ZFHX3: variants seen among roughly 807,000 people sequenced by gnomAD.
ZFHX3 encodes zinc finger homeobox protein 3.
In ZFHX3, 42 loss-of-function variants were observed where a neutral mutation model predicts 279.1. The observed-to-expected ratio is 0.15, with a 90% confidence interval of 0.12 to 0.19. ZFHX3 has a LOEUF of 0.19. ZFHX3 is among the 10% of genes least tolerant of loss of function. The probability of loss-of-function intolerance (pLI) is 1.00; values close to 1 mark genes in which losing one functional copy is unlikely to be tolerated. For synonymous variants in ZFHX3, 2,293 were observed against 1,957.8 expected (o/e 1.17, Z -4.52); for missense variants, 4,981 against 4,754.0 (o/e 1.05, Z -1.40).
At chr16:73,500,720 T>C (rs995123298) in intron 2 of ZFHX3, among the ~76,000 whole-genome samples, 2 of 129,868 alleles carry the variant, frequency 1.5e-5, no homozygotes, top group East Asian at 2.3e-4. Flanking sequence ...CCTCACAGAC[T>C]AAGGATATAA....
At chr16:73,084,514 A>ATTTTTTT (rs34134596) in intron 8 of ZFHX3, among the ~76,000 whole-genome samples, 7 of 92,648 alleles carry the variant, frequency 7.6e-5, no homozygotes, top group East Asian at 3.1e-4. Flanking sequence ...CTAGGACTAA[A>ATTTTTTT]TTTTTTTTTT....
intron 1 of ZFHX3, among the ~76,000 whole-genome samples, chr16:72,976,174 C>G (rs746646261): frequency 2.0e-5 from 3 of 152,264 alleles, no homozygotes; most frequent in Non-Finnish European, 2.9e-5. Context: ...TCTGAAGCTG[C>G]ACCCTCTCTC....
chr16:73,731,300 A>AT (rs1216826846), intron 1 of ZFHX3, among the ~76,000 whole-genome samples: 4 of 152,114 alleles, frequency 2.6e-5, no homozygotes, highest in Non-Finnish European at 4.4e-5. Context: ...GAGTCAACAG[A>AT]TTTTTTTAAA....
At chr16:73,161,074 G>A (rs562655421) in intron 5 of ZFHX3, among the ~76,000 whole-genome samples, 1 of 152,120 alleles carries the variant, frequency 6.6e-6, no homozygotes, top group Non-Finnish European at 1.5e-5. Context: ...CCAGGCTCAA[G>A]CGATTCTCCT....
At chr16:73,312,387 C>G (rs770002029) in intron 4 of ZFHX3, among the ~76,000 whole-genome samples, 1 of 149,900 alleles carries the variant, frequency 6.7e-6, no homozygotes, top group East Asian at 1.9e-4. Flanking sequence ...CTTCCAAACA[C>G]AAAGAAAAAA....
chr16:72,941,168 T>A (rs921641675), intron 3 of ZFHX3, among the ~76,000 whole-genome samples: 1 of 152,132 alleles, frequency 6.6e-6, no homozygotes, highest in African/African-American at 2.4e-5. Flanking sequence ...AAGGGACTCA[T>A]GAAAAAAATG....
chr16:73,171,802 C>T (rs1168339120), intron 5 of ZFHX3, among the ~76,000 whole-genome samples: 1 of 152,162 alleles, frequency 6.6e-6, no homozygotes, highest in African/African-American at 2.4e-5. Context: ...GTAACATACA[C>T]GTACCCGGTG....
chr16:73,853,595 G>A (rs761010463), intron 1 of ZFHX3, among the ~76,000 whole-genome samples: 1 of 152,064 alleles, frequency 6.6e-6, no homozygotes, highest in Non-Finnish European at 1.5e-5. Flanking sequence ...ACCAAATACT[G>A]CATGTTCTCA....
chr16:73,180,160 T>C (rs937037914), intron 5 of ZFHX3, among the ~76,000 whole-genome samples: 12 of 152,162 alleles, frequency 7.9e-5, no homozygotes, highest in Non-Finnish European at 1.3e-4. Flanking sequence ...GGCCAGTCGT[T>C]CCTGTTTCCA....
intron 2 of ZFHX3, among the ~76,000 whole-genome samples, chr16:73,548,435 A>G (rs1218780313): frequency 6.6e-6 from 1 of 151,068 alleles, no homozygotes; most frequent in South Asian, 2.1e-4. Context: ...TAAATTTGTT[A>G]AGCTTGACTT....
intron 3 of ZFHX3, among the ~76,000 whole-genome samples, chr16:72,906,674 C>A (rs1006249857): frequency 6.6e-6 from 1 of 152,064 alleles, no homozygotes; most frequent in African/African-American, 2.4e-5. Context: ...GGCACGCGCC[C>A]GCAGTCCCAA....
At chr16:73,325,407 C>T (rs768568688) in intron 3 of ZFHX3, among the ~76,000 whole-genome samples, 1 of 152,132 alleles carries the variant, frequency 6.6e-6, no homozygotes, top group East Asian at 1.9e-4. Context: ...GAGAATGGCT[C>T]TAATGAATCT....
At chr16:73,129,930 G>A (rs1055950642) in intron 7 of ZFHX3, among the ~76,000 whole-genome samples, 1 of 152,058 alleles carries the variant, frequency 6.6e-6, no homozygotes, top group African/African-American at 2.4e-5. Flanking sequence ...TTGTGTTTAA[G>A]GCAAAAGCAG....
chr16:73,111,827 T>A (rs532153161), intron 7 of ZFHX3, among the ~76,000 whole-genome samples: 19 of 152,140 alleles, frequency 1.2e-4, no homozygotes, highest in Non-Finnish European at 1.9e-4. Context: ...ATATATGCTA[T>A]TTCATTTAGT....
chr16:73,856,886 C>T (rs1411929365), intron 1 of ZFHX3, among the ~76,000 whole-genome samples: 1 of 152,138 alleles, frequency 6.6e-6, no homozygotes, highest in African/African-American at 2.4e-5. Flanking sequence ...GTTTCCATGC[C>T]CCACCGTTGT....
intron 1 of ZFHX3, among the ~76,000 whole-genome samples, chr16:73,683,776 T>C (rs1416087467): frequency 6.6e-6 from 1 of 152,226 alleles, no homozygotes; most frequent in Non-Finnish European, 1.5e-5. Flanking sequence ...AGTGCAACTC[T>C]GGATTCTCAT....
intron 1 of ZFHX3, among the ~76,000 whole-genome samples, chr16:73,742,332 C>A (rs1417377120): frequency 6.6e-6 from 1 of 152,178 alleles, no homozygotes; most frequent in Non-Finnish European, 1.5e-5. Context: ...AAGTTACTTA[C>A]AAAATGTGTT....
chr16:73,732,488 T>C (rs1165003366), intron 1 of ZFHX3, among the ~76,000 whole-genome samples: 1 of 152,220 alleles, frequency 6.6e-6, no homozygotes, highest in African/African-American at 2.4e-5. Context: ...GCTATTCTGG[T>C]GTTTCATATG....
intron 5 of ZFHX3, among the ~76,000 whole-genome samples, chr16:73,204,176 T>C (rs1310058418): frequency 6.6e-6 from 1 of 152,054 alleles, no homozygotes; most frequent in African/African-American, 2.4e-5. Context: ...AGACAGTTTT[T>C]CCACGGACTA....
Sources: gnomAD v4.1 joint callset for allele counts (sites outside exome capture counted in the v4.1 genomes callset) on GRCh38, gnomAD v4.1.1 for gene constraint, MANE v1.5 for transcripts, NCBI Gene and HGNC (gene_info 2026-07-23, HGNC 2026-07-21) for gene names.